The following TEAD4 variants were observed in gnomAD, a reference collection of about 807,000 sequenced individuals.
TEAD4 encodes transcriptional enhancer factor TEF-3.
In TEAD4, 36 loss-of-function variants were observed where a neutral mutation model predicts 52.4. That is an observed-to-expected ratio of 0.69 (90% CI 0.53 to 0.91). The LOEUF (loss-of-function observed/expected upper bound fraction) is 0.91. TEAD4 is among the 40% of genes least tolerant of loss of function. The probability of loss-of-function intolerance (pLI) is 0.00; values close to 1 mark genes in which losing one functional copy is unlikely to be tolerated. For missense variants in TEAD4, 508 were observed against 583.9 expected (o/e 0.87, Z 1.34); for synonymous variants, 220 against 231.0 (o/e 0.95, Z 0.43).
chr12:3,001,715 T>G (rs1007211970), intron 3 of TEAD4, among the ~76,000 whole-genome samples: 17 of 151,740 alleles, frequency 1.1e-4, no homozygotes, highest in Non-Finnish European at 2.4e-4. Flanking sequence ...AGGCGGAGGT[T>G]TCAGTGAGCC....
chr12:2,977,388 A>G (rs942844212), intron 2 of TEAD4, among the ~76,000 whole-genome samples: 2 of 151,798 alleles, frequency 1.3e-5, no homozygotes, highest in African/African-American at 4.8e-5. Flanking sequence ...CAAGGGGTCC[A>G]GCTCTCTGAC....
intron 2 of TEAD4, among the ~76,000 whole-genome samples, chr12:2,961,219 T>A (rs2098215004): frequency 6.6e-6 from 1 of 152,104 alleles, no homozygotes. Context: ...CCTGAACTAC[T>A]TTTCCTGGTT....
At chr12:2,993,105 T>A (rs1051061102) in intron 2 of TEAD4, among the ~76,000 whole-genome samples, 2 of 152,210 alleles carry the variant, frequency 1.3e-5, no homozygotes, top group Non-Finnish European at 2.9e-5. Context: ...TAAAAATTTT[T>A]CATTGTGGTA....
chr12:3,031,909 C>G (rs1034739048), intron 10 of TEAD4, among the ~76,000 whole-genome samples: 1 of 152,072 alleles, frequency 6.6e-6, no homozygotes, highest in African/African-American at 2.4e-5. Context: ...TGGCTGCCCT[C>G]CATGCAGCAT....
At chr12:2,967,309 G>T (rs533729236) in intron 2 of TEAD4, among the ~76,000 whole-genome samples, 3 of 151,884 alleles carry the variant, frequency 2.0e-5, no homozygotes, top group Non-Finnish European at 4.4e-5. Context: ...ACTCTATCCC[G>T]TTTTTTTCCC....
intron 2 of TEAD4, chr12:2,960,397 C>T (rs1048548596): frequency 7.1e-6 from 7 of 983,714 alleles, no homozygotes; most frequent in Non-Finnish European, 7.2e-6. Context: ...ATGCGAAAGT[C>T]GGGGGACCCC....
intron 5 of TEAD4, among the ~76,000 whole-genome samples, chr12:3,012,526 A>G (rs2098261156): frequency 6.6e-6 from 1 of 151,988 alleles, no homozygotes; most frequent in South Asian, 2.1e-4. Context: ...ATCACCCACC[A>G]GCCCTCATTT....
At chr12:3,010,934 C>A in intron 3 of TEAD4, 70 bp from the exon 4 acceptor site, 2 of 1,570,810 alleles carry the variant, frequency 1.3e-6, no homozygotes, top group East Asian at 2.2e-5. Context: ...GCAGAAGGTA[C>A]CCCGCACCCC....
chr12:2,987,573 T>C (rs1020405848), intron 2 of TEAD4, among the ~76,000 whole-genome samples: 3 of 151,740 alleles, frequency 2.0e-5, no homozygotes, highest in African/African-American at 7.2e-5. Flanking sequence ...TAGCTGGGAC[T>C]ACAGGTGCCC....
At chr12:2,988,665 C>T (rs1355247058) in intron 2 of TEAD4, among the ~76,000 whole-genome samples, 2 of 152,112 alleles carry the variant, frequency 1.3e-5, no homozygotes, top group Non-Finnish European at 2.9e-5. Context: ...TGGGACCAGA[C>T]TCCAGAAAGA....
At chr12:3,002,240 G>C (rs779477991) in intron 3 of TEAD4, among the ~76,000 whole-genome samples, 1 of 152,206 alleles carries the variant, frequency 6.6e-6, no homozygotes, top group African/African-American at 2.4e-5. Context: ...TGTATGGAGA[G>C]ACTGCATCTT....
intron 8 of TEAD4, 82 bp downstream of exon 8, chr12:3,019,252 C>G: frequency 6.8e-7 from 1 of 1,475,166 alleles, no homozygotes; most frequent in Non-Finnish European, 9.4e-7. Flanking sequence ...CAGCCGAACG[C>G]CTGCGTGTCC....
At chr12:3,003,748 C>G (rs555831873) in intron 3 of TEAD4, among the ~76,000 whole-genome samples, 186 of 152,264 alleles carry the variant, frequency 1.2e-3, no homozygotes, top group Non-Finnish European at 2.1e-3. Context: ...CCATCCCCAC[C>G]CAGGCCGGCC....
At chr12:2,985,782 T>C (rs2098237901) in intron 2 of TEAD4, among the ~76,000 whole-genome samples, 1 of 152,076 alleles carries the variant, frequency 6.6e-6, no homozygotes, top group Non-Finnish European at 1.5e-5. Context: ...TTTAACTTTG[T>C]CGTTAAAAAC....
chr12:3,008,924 G>A (rs1205691012), intron 3 of TEAD4, among the ~76,000 whole-genome samples: 1 of 152,148 alleles, frequency 6.6e-6, no homozygotes, highest in Non-Finnish European at 1.5e-5. Context: ...CGCAGCTCTT[G>A]GGAACCTCTC....
chr12:3,039,254 C>G (rs1319271767), intron 11 of TEAD4, among the ~76,000 whole-genome samples: 2 of 152,298 alleles, frequency 1.3e-5, no homozygotes, highest in Admixed American at 1.3e-4. Context: ...TTAAAAAGTT[C>G]CTCAAATTAT....
At chr12:3,022,698 G>A (rs940231543) in intron 10 of TEAD4, among the ~76,000 whole-genome samples, 8 of 152,158 alleles carry the variant, frequency 5.3e-5, no homozygotes, top group Non-Finnish European at 1.0e-4. Flanking sequence ...TTAGCTTCCT[G>A]GGGGCCCAGT....
chr12:3,021,981 G>A lies in TEAD4; in HGVS notation c.861G>A (p.Arg287=). Reference sequence around the variant, plus strand: ...GTGGACTCAAGGATCTCTTCGAACGGGGACCCTCCAATGCCTTTTTTCTTG... The same window carrying A: ...GTGGACTCAAGGATCTCTTCGAACGAGGACCCTCCAATGCCTTTTTTCTTG... Residue 287 remains arginine (R), a synonymous_variant, in exon 10 of 13, where the codon CGG becomes CGA. Transcript: ENST00000359864. The A allele has an allele frequency of 6.2e-7, 1 of 1,614,224 alleles. No individual in the cohort carries two copies. Among genetic ancestry groups the A allele is most frequent in the South Asian group, 1.1e-5 (1 of 91,088 alleles).
At chr12:3,016,580 C>T (rs910856382) in intron 5 of TEAD4, among the ~76,000 whole-genome samples, 11 of 147,208 alleles carry the variant, frequency 7.5e-5, no homozygotes, top group East Asian at 2.0e-4. Context: ...CTAGCCTGTG[C>T]GACAGAGTGA....
Sources: allele counts gnomAD v4.1 joint callset (sites outside exome capture counted in the v4.1 genomes callset), GRCh38; gene constraint gnomAD v4.1.1; transcripts MANE v1.5; gene names NCBI Gene and HGNC (gene_info 2026-07-23, HGNC 2026-07-21).